SLC5A10: variants seen among roughly 807,000 people sequenced by gnomAD.
The protein encoded by SLC5A10 is sodium/mannose cotransporter SLC5A10.
SLC5A10 carries 55 observed loss-of-function variants against 68.9 expected under a neutral mutation model. The ratio of observed to expected loss-of-function variants is 0.80; its 90% CI spans 0.64 to 1.00. SLC5A10 has a LOEUF of 1.00. Ranked by LOEUF, SLC5A10 falls within the 50% of genes least tolerant of loss-of-function variation. SLC5A10 has a pLI of 0.00. For synonymous variants in SLC5A10, 344 were observed against 344.8 expected (o/e 1.00, Z 0.02); for missense variants, 732 against 819.3 (o/e 0.89, Z 1.30).
rs2043574258 is a variant in SLC5A10 at position 18,996,405 on chromosome 17, C to T, written c.983-17005C>T. ...GGGGCTGGCAGAATTAGTGACATGC[C>T]ATCTGAAGAGGCCCAAGAAGGTTCT... is the stretch of plus-strand genomic sequence containing the variant. On this transcript the variant is annotated intron_variant, in intron 9 of 14. Coordinates refer to ENST00000395645, the MANE Select transcript of SLC5A10 (RefSeq NM_001042450.4). The surrounding 1 kb of genome is among the most constrained non-coding windows in gnomAD (Gnocchi z 4.4). Among the ~76,000 whole-genome samples, 1 of 152,090 alleles carries T rather than the reference C, an allele frequency of 6.6e-6. No individual in the cohort carries two copies. The highest frequency in any genetic ancestry group is 6.5e-5 in the Admixed American group (1 of 15,272).
chr17:19,013,700 G>T (rs1418780268), intron 10 of SLC5A10, among the ~76,000 whole-genome samples, 183 bp downstream of exon 10: 2 of 79,870 alleles, frequency 2.5e-5, no homozygotes, highest in East Asian at 5.0e-4. Flanking sequence ...CCACCCCTCA[G>T]CGTTGTTGCT....
chr17:18,991,046 T>G (rs1316010422), intron 9 of SLC5A10, among the ~76,000 whole-genome samples: 2 of 152,098 alleles, frequency 1.3e-5, no homozygotes, highest in Admixed American at 1.3e-4. Flanking sequence ...GCTGTTACCT[T>G]GTTCAGGCCT....
intron 9 of SLC5A10, among the ~76,000 whole-genome samples, chr17:19,009,388 G>A (rs1235944196): frequency 6.6e-6 from 1 of 151,804 alleles, no homozygotes; most frequent in Admixed American, 6.6e-5. Flanking sequence ...GCTTTCGCCA[G>A]GCTTTGTTGT....
chr17:18,977,083 A>G (rs759236995), intron 9 of SLC5A10, 94 bp downstream of exon 9: 6 of 1,547,358 alleles, frequency 3.9e-6, no homozygotes, highest in Non-Finnish European at 5.2e-6. Context: ...GAGGCAAAGG[A>G]TAGATGTGAA....
Position 18,971,306 on chromosome 17 carries a change from CAT to C in SLC5A10, c.846+89_846+90del. The stretch of plus-strand genomic sequence containing the variant: ...CAGGCGGCCTGTCTGCCCTCCGCGT[CAT>C]GAGTCTGGGCTGGGGCCTCAGAAGG... On this transcript the variant is annotated intron_variant, in intron 8 of 14. Transcript: ENST00000395645. The surrounding 1 kb of genome is among the most constrained non-coding windows in gnomAD (Gnocchi z 5.5). 1 of 1,608,238 alleles carries C rather than the reference CAT, an allele frequency of 6.2e-7. No individual in the cohort carries two copies. Among genetic ancestry groups the C allele is most frequent in the South Asian group, 1.1e-5 (1 of 90,736 alleles).
At chr17:18,994,693 CA>C (rs2043520898) in intron 9 of SLC5A10, among the ~76,000 whole-genome samples, 1 of 152,152 alleles carries the variant, frequency 6.6e-6, no homozygotes, top group African/African-American at 2.4e-5. Context: ...GGGGTGTCCT[CA>C]GAAGGATACT....
At chr17:19,001,116 G>C (rs2043719210) in intron 9 of SLC5A10, among the ~76,000 whole-genome samples, 1 of 152,178 alleles carries the variant, frequency 6.6e-6, no homozygotes, top group African/African-American at 2.4e-5. Flanking sequence ...AAATGAGACA[G>C]ATAACACTAG....
chr17:18,967,312 A>G lies in SLC5A10; in HGVS notation c.454-1740A>G, dbSNP rs953722371. On this transcript the variant is annotated intron_variant, in intron 5 of 14. Coordinates refer to ENST00000395645, the MANE Select transcript of SLC5A10 (RefSeq NM_001042450.4). ...CCGTTCCTGCACCTGCGGGACTTCT[A>G]TTCAGTCTTTGGGGCCTGCCACCGT... Among the ~76,000 whole-genome samples the G allele has an allele frequency of 5.9e-5, 9 of 152,120 alleles. No homozygotes were observed. The South Asian group carries it at 8.3e-4, about 14-fold the overall frequency.
chr17:18,960,316 A>T (rs2042585956), intron 4 of SLC5A10, among the ~76,000 whole-genome samples: 1 of 152,172 alleles, frequency 6.6e-6, no homozygotes, highest in African/African-American at 2.4e-5. Flanking sequence ...GAGCCAGTCT[A>T]GGGATCTCAG....
intron 9 of SLC5A10, chr17:18,988,303 C>T (rs567618459): frequency 8.1e-6 from 13 of 1,614,212 alleles, no homozygotes; most frequent in South Asian, 4.4e-5. Flanking sequence ...AAGTACTTGA[C>T]GTTACTCTCA....
intron 9 of SLC5A10, among the ~76,000 whole-genome samples, chr17:18,983,825 C>A (rs2043197148): frequency 6.6e-6 from 1 of 152,178 alleles, no homozygotes; most frequent in Non-Finnish European, 1.5e-5. Context: ...AGGGGCAGGG[C>A]CAGCCTAGCT....
In SLC5A10 at chr17:19,020,340, C is replaced by A; in HGVS notation, c.1700C>A (p.Pro567His). 6.2e-7 allele frequency: 1 copy of A among 1,614,184 alleles called. No individual in the cohort carries two copies. Among genetic ancestry groups the A allele is most frequent in the South Asian group, 1.1e-5 (1 of 91,082 alleles). ...CCCCCTCCAGGTGATGGCCAAACACCCCAGAAACACGCCTTCTGGGCCCGT... is the reference window on the plus strand; with the variant it reads ...CCCCCTCCAGGTGATGGCCAAACACACCAGAAACACGCCTTCTGGGCCCGT... ...LGTKAGDGQTPQKHAFWARVC... is the reference protein window; with the variant it reads ...LGTKAGDGQTHQKHAFWARVC... Residue 567 changes from proline (P) to histidine (H), a missense_variant, in exon 15 of 15, where the codon CCC (proline) becomes CAC (histidine). Transcript: ENST00000395645.
intron 5 of SLC5A10, among the ~76,000 whole-genome samples, chr17:18,962,909 T>C (rs2042639654): frequency 6.6e-6 from 1 of 152,160 alleles, no homozygotes; most frequent in Non-Finnish European, 1.5e-5. Context: ...GTGGATGGCT[T>C]GGGCGGAACT....
At position 18,978,868 on chromosome 17, in the gene SLC5A10, G is replaced by T. The variant is rs369351431; in HGVS notation, c.982+1879G>T. 9.3e-6 allele frequency: 15 copies of T among 1,609,400 alleles called. No homozygotes were observed. The African/African-American group carries it at 2.0e-4, about 21-fold the overall frequency. On this transcript the variant is annotated intron_variant, in intron 9 of 14. Transcript: ENST00000395645. ...ACGTGAAGCTGCAACAGAGGGAGGG[G>T]GCGCTGGTCAGGCACATGACCCTGC...
intron 9 of SLC5A10, chr17:18,978,976 G>T: frequency 9.2e-7 from 1 of 1,088,754 alleles, no homozygotes; most frequent in Non-Finnish European, 1.3e-6. Context: ...AAGTGAATGG[G>T]GGCAGAGAGC....
chr17:18,997,461 A>G (rs180831932), intron 9 of SLC5A10, among the ~76,000 whole-genome samples: 3 of 152,344 alleles, frequency 2.0e-5, no homozygotes, highest in African/African-American at 7.2e-5. Flanking sequence ...AGACCATCCC[A>G]TGTGGGCAGC....
Position 18,990,955 on chromosome 17 carries a change from C to T in SLC5A10, c.982+13966C>T, listed in dbSNP as rs2043406365. 2.6e-5 allele frequency among the ~76,000 whole-genome samples: 4 copies of T among 152,182 alleles called. No individual in the cohort carries two copies. In the South Asian group the frequency reaches 8.3e-4, roughly 31 times the overall value. Reference sequence around the variant, plus strand: ...GGCTAGAACCCAGGGCCCTGTCCCACCCAGAGCACCTTCTGCACAAGAGAC... The same window carrying T: ...GGCTAGAACCCAGGGCCCTGTCCCATCCAGAGCACCTTCTGCACAAGAGAC... On this transcript the variant is annotated intron_variant, in intron 9 of 14. Coordinates refer to ENST00000395645, the MANE Select transcript of SLC5A10 (RefSeq NM_001042450.4).
intron 1 of SLC5A10, among the ~76,000 whole-genome samples, 176 bp from the exon 2 acceptor site, chr17:18,958,506 G>T (rs754344933): frequency 6.6e-6 from 1 of 152,194 alleles, no homozygotes; most frequent in African/African-American, 2.4e-5. Flanking sequence ...TCGTGTACAA[G>T]TTTCTGAGTG....
chr17:19,005,806 C>T (rs2043870604), intron 9 of SLC5A10, among the ~76,000 whole-genome samples: 1 of 152,186 alleles, frequency 6.6e-6, no homozygotes, highest in African/African-American at 2.4e-5. Flanking sequence ...TGCCATATAG[C>T]CCCCCAAGGG....
Sources: allele counts gnomAD v4.1 joint callset (sites outside exome capture counted in the v4.1 genomes callset), GRCh38; gene constraint gnomAD v4.1.1; non-coding constraint Gnocchi (gnomAD v3.1); transcripts MANE v1.5; gene names NCBI Gene and HGNC (gene_info 2026-07-23, HGNC 2026-07-21).